The following MTCL3 variants were observed in gnomAD, a reference collection of about 807,000 sequenced individuals.
MTCL3 encodes the protein MTCL family member 3.
At chr6:127,479,953 T>C in the MTCL3 span, among the ~76,000 whole-genome samples, 4 of 152,210 alleles carry the variant, frequency 2.6e-5, no homozygotes, top group Non-Finnish European at 4.4e-5. Flanking sequence ...TGGTCCACAG[T>C]AATTGAGCAG....
the MTCL3 span, among the ~76,000 whole-genome samples, chr6:127,513,755 A>C: frequency 6.6e-6 from 1 of 152,160 alleles, no homozygotes; most frequent in Admixed American, 6.5e-5. Flanking sequence ...CCTGGCACCT[A>C]TTAGCTGTTT....
the MTCL3 span, chr6:127,476,476 G>T: frequency 6.4e-7 from 1 of 1,554,888 alleles, no homozygotes; most frequent in Non-Finnish European, 8.7e-7. This position sits in a 1 kb window ranked among gnomAD's most constrained non-coding sequence, Gnocchi z 4.4. Flanking sequence ...CTCCTCATTT[G>T]GGGGAAAAGA....
the MTCL3 span, among the ~76,000 whole-genome samples, chr6:127,496,670 A>C: frequency 6.6e-6 from 1 of 152,254 alleles, no homozygotes; most frequent in Non-Finnish European, 1.5e-5. Context: ...GAAACAACCC[A>C]AAATTCCACC....
the MTCL3 span, chr6:127,481,229 C>T: frequency 7.0e-6 from 6 of 851,746 alleles, no homozygotes; most frequent in South Asian, 5.4e-5. Flanking sequence ...GTAGATACAG[C>T]GTCTACTCCA....
chr6:127,515,500 C>G, the MTCL3 span: 13 of 1,426,018 alleles, frequency 9.1e-6, no homozygotes, highest in South Asian at 1.8e-4. The surrounding 1 kb of genome is among the most constrained non-coding windows in gnomAD (Gnocchi z 4.3). Context: ...GCCGGGTCCC[C>G]CCACCCTCCT....
At chr6:127,515,784 C>G in the MTCL3 span, 1 of 1,607,722 alleles carries the variant, frequency 6.2e-7, no homozygotes, top group Non-Finnish European at 8.5e-7. The surrounding 1 kb of genome is among the most constrained non-coding windows in gnomAD (Gnocchi z 4.3). Flanking sequence ...TAGCGTGCAT[C>G]TGAGCCGCGG....
At chr6:127,488,434 G>A in the MTCL3 span, among the ~76,000 whole-genome samples, 1 of 152,172 alleles carries the variant, frequency 6.6e-6, no homozygotes, top group African/African-American at 2.4e-5. Context: ...CTCCACAAGA[G>A]CAGGCTCCTA....
chr6:127,515,078 C>T, the MTCL3 span: 2 of 1,598,498 alleles, frequency 1.3e-6, no homozygotes, highest in East Asian at 4.5e-5. This position sits in a 1 kb window ranked among gnomAD's most constrained non-coding sequence, Gnocchi z 4.3. Context: ...GTGTCAAAAT[C>T]AAACTCGCTT....
chr6:127,516,843 A>T, the MTCL3 span: 11 of 697,998 alleles, frequency 1.6e-5, no homozygotes, highest in Non-Finnish European at 2.5e-5. Context: ...TAGGAATAGG[A>T]TGGAGGGCTG....
chr6:127,482,966 C>G, the MTCL3 span: 2 of 1,606,912 alleles, frequency 1.2e-6, no homozygotes, highest in Non-Finnish European at 1.7e-6. This position sits in a 1 kb window ranked among gnomAD's most constrained non-coding sequence, Gnocchi z 4.1. Flanking sequence ...TCTTTGCTTC[C>G]TCTTCTTTTT....
chr6:127,477,394 A>G, the MTCL3 span, among the ~76,000 whole-genome samples: 2 of 152,226 alleles, frequency 1.3e-5, no homozygotes, highest in African/African-American at 2.4e-5. Context: ...GCATGTTATT[A>G]TGTCTAAGGT....
chr6:127,502,256 A>G, the MTCL3 span, among the ~76,000 whole-genome samples: 4 of 152,240 alleles, frequency 2.6e-5, no homozygotes, highest in African/African-American at 4.8e-5. Flanking sequence ...ATCAAAGAAC[A>G]GTTCTTCTTT....
the MTCL3 span, among the ~76,000 whole-genome samples, chr6:127,501,601 C>G: frequency 6.6e-6 from 1 of 152,266 alleles, no homozygotes; most frequent in East Asian, 1.9e-4. Context: ...GATTAATTGG[C>G]TACACAAATT....
chr6:127,490,258 A>G, the MTCL3 span, among the ~76,000 whole-genome samples: 1 of 152,210 alleles, frequency 6.6e-6, no homozygotes, highest in African/African-American at 2.4e-5. Flanking sequence ...TCCCTTTCAA[A>G]AGATTACTGC....
the MTCL3 span, among the ~76,000 whole-genome samples, chr6:127,494,070 G>T: frequency 6.6e-6 from 1 of 152,192 alleles, no homozygotes; most frequent in African/African-American, 2.4e-5. Context: ...AAATAGGTTT[G>T]CATGGCCCTT....
At chr6:127,513,194 A>C in the MTCL3 span, 1 of 731,156 alleles carries the variant, frequency 1.4e-6, no homozygotes, top group Non-Finnish European at 2.2e-6. Context: ...GTATACATAT[A>C]AGCCATTCAC....
chr6:127,516,503 G>T, the MTCL3 span: 2 of 1,599,376 alleles, frequency 1.3e-6, no homozygotes. Context: ...GACTGAGCTC[G>T]CTGCTGCTTT....
chr6:127,503,514 T>C, the MTCL3 span, among the ~76,000 whole-genome samples: 1 of 152,174 alleles, frequency 6.6e-6, no homozygotes, highest in Non-Finnish European at 1.5e-5. Flanking sequence ...TCTGCAGTCT[T>C]CTCTCATTCA....
At chr6:127,475,566 C>A in the MTCL3 span, 16 of 1,609,260 alleles carry the variant, frequency 9.9e-6, no homozygotes, top group Non-Finnish European at 1.4e-5. The surrounding 1 kb of genome is among the most constrained non-coding windows in gnomAD (Gnocchi z 7.3). Flanking sequence ...GCTCGGCCTC[C>A]GAGCGGATGT....
Sources: allele counts gnomAD v4.1 joint callset (sites outside exome capture counted in the v4.1 genomes callset), GRCh38; gene constraint gnomAD v4.1.1; non-coding constraint Gnocchi (gnomAD v3.1); transcripts MANE v1.5; gene names NCBI Gene and HGNC (gene_info 2026-07-23, HGNC 2026-07-21).